The following GABRG3 variants were observed in gnomAD, a reference collection of about 807,000 sequenced individuals.
GABRG3 encodes the protein gamma-aminobutyric acid type A receptor subunit gamma3.
GABRG3 carries 25 observed loss-of-function variants against 48.8 expected under a neutral mutation model. The ratio of observed to expected loss-of-function variants is 0.51; its 90% CI spans 0.37 to 0.72. GABRG3 has a LOEUF of 0.72. Among genes scored for constraint, GABRG3 ranks in the 30% least tolerant of loss-of-function variants. GABRG3 has a pLI of 0.00. For missense variants in GABRG3, 394 were observed against 577.9 expected, an observed-to-expected ratio of 0.68 and a Z score of 3.26; for synonymous variants, 227 against 217.6, an observed-to-expected ratio of 1.04 and a Z score of -0.38.
intron 3 of GABRG3, among the ~76,000 whole-genome samples, chr15:27,260,417 G>A (rs942752255): frequency 6.6e-6 from 1 of 152,090 alleles, no homozygotes; most frequent in African/African-American, 2.4e-5. Flanking sequence ...GGACTTCAGC[G>A]TATGAATTTT....
intron 3 of GABRG3, among the ~76,000 whole-genome samples, chr15:27,116,103 G>A (rs1249634121): frequency 6.6e-6 from 1 of 152,218 alleles, no homozygotes; most frequent in East Asian, 1.9e-4. Flanking sequence ...CCTGCTGAAG[G>A]CAGGCCATGG....
intron 3 of GABRG3, among the ~76,000 whole-genome samples, chr15:27,055,465 G>C (rs201059628): frequency 6.6e-6 from 1 of 152,126 alleles, no homozygotes; most frequent in Admixed American, 6.5e-5. Context: ...AATCCAGAAG[G>C]CTCCAAAATC....
At chr15:27,363,615 G>A (rs10083606) in intron 5 of GABRG3, 49,907 of 151,602 alleles carry the variant, frequency 0.33, 9,496 homozygotes, top group African/African-American at 0.52. Flanking sequence ...TCCATAGCAC[G>A]CCTGCCACCA....
At chr15:27,481,910 G>A (rs2150845477) in intron 6 of GABRG3, among the ~76,000 whole-genome samples, 1 of 152,298 alleles carries the variant, frequency 6.6e-6, no homozygotes, top group East Asian at 1.9e-4. Flanking sequence ...AGGCTGCAAT[G>A]TACCAGCAGA....
intron 3 of GABRG3, among the ~76,000 whole-genome samples, chr15:27,218,144 G>A (rs1889327414): frequency 6.6e-6 from 1 of 151,964 alleles, no homozygotes; most frequent in Admixed American, 6.6e-5. Context: ...CAAGCAGCTG[G>A]GACTACCTAC....
intron 3 of GABRG3, among the ~76,000 whole-genome samples, chr15:27,143,358 G>A (rs988150582): frequency 1.3e-5 from 2 of 152,200 alleles, no homozygotes; most frequent in Admixed American, 6.5e-5. Flanking sequence ...GGGATAACAG[G>A]TGTGAGCTAC....
At chr15:27,471,782 T>C (rs1889794704) in intron 5 of GABRG3, among the ~76,000 whole-genome samples, 1 of 152,226 alleles carries the variant, frequency 6.6e-6, no homozygotes. Context: ...ACCACCTTCA[T>C]CATAAACTAA....
intron 3 of GABRG3, among the ~76,000 whole-genome samples, chr15:27,181,714 A>G (rs554102041): frequency 5.3e-5 from 8 of 152,332 alleles, no homozygotes; most frequent in African/African-American, 1.9e-4. Flanking sequence ...GCATGTAAGC[A>G]TTCCTGTGAG....
intron 3 of GABRG3, among the ~76,000 whole-genome samples, chr15:27,281,474 A>AT (rs200781979): frequency 0.015 from 2,147 of 143,402 alleles, 39 homozygotes; most frequent in East Asian, 0.062. Context: ...CCTGTGGTTA[A>AT]TTTTTTTTTT....
At chr15:27,353,464 G>A (rs1894711500) in intron 5 of GABRG3, among the ~76,000 whole-genome samples, 1 of 102,194 alleles carries the variant, frequency 9.8e-6, no homozygotes. Flanking sequence ...TTATTTTTGA[G>A]ATGGAGTTTC....
At chr15:27,329,686 A>C (rs1280456071) in intron 5 of GABRG3, among the ~76,000 whole-genome samples, 3 of 152,214 alleles carry the variant, frequency 2.0e-5, no homozygotes, top group African/African-American at 7.2e-5. Flanking sequence ...TTTTCGTAGT[A>C]TTTTATCTTC....
rs1054841377 is a variant in GABRG3, at chr15:27,527,999, A to G, written c.1122+7A>G. The G allele has an allele frequency of 1.9e-6, 3 of 1,587,200 alleles. No homozygotes were observed. Among genetic ancestry groups the G allele is most frequent in the African/African-American group, 2.7e-5 (2 of 74,554 alleles). On this transcript the variant is annotated splice_region_variant and intron_variant, in intron 9 of 9. Coordinates refer to ENST00000615808, the MANE Select transcript of GABRG3 (RefSeq NM_033223.5). ...AAGCCTACAAGCCCCTTCCGTACGT[A>G]TAGCATTGCAGGTGCCAATATTTCT...
intron 5 of GABRG3, among the ~76,000 whole-genome samples, chr15:27,408,750 A>G (rs1887711594): frequency 6.6e-6 from 1 of 152,182 alleles, no homozygotes; most frequent in South Asian, 2.1e-4. Flanking sequence ...TCCAGATGTC[A>G]CTAAGTCTGT....
intron 3 of GABRG3, among the ~76,000 whole-genome samples, chr15:27,113,800 C>T (rs909011497): frequency 6.6e-6 from 1 of 152,144 alleles, no homozygotes; most frequent in African/African-American, 2.4e-5. Flanking sequence ...TGTGATACTT[C>T]TATGGGGATA....
At chr15:27,098,009 A>G (rs1897294420) in intron 3 of GABRG3, among the ~76,000 whole-genome samples, 1 of 151,958 alleles carries the variant, frequency 6.6e-6, no homozygotes, top group South Asian at 2.1e-4. Flanking sequence ...AGAAACTGTA[A>G]CAACAAAGTC....
intron 3 of GABRG3, among the ~76,000 whole-genome samples, chr15:27,248,803 C>CACACACACAGAGAGAGAGAGAG (rs1377080195): frequency 9.1e-6 from 1 of 110,176 alleles, no homozygotes; most frequent in African/African-American, 3.9e-5. Context: ...CACACACACA[C>CACACACACAGAGAGAGAGAGAG]AGAGAGAGAG....
intron 3 of GABRG3, among the ~76,000 whole-genome samples, chr15:27,324,057 C>T (rs150716191): frequency 2.1e-3 from 313 of 152,306 alleles, no homozygotes; most frequent in African/African-American, 7.1e-3. Flanking sequence ...GCAGGGAAGC[C>T]GCGGTATTTG....
chr15:27,193,527 T>C (rs900820188), intron 3 of GABRG3, among the ~76,000 whole-genome samples: 1 of 152,000 alleles, frequency 6.6e-6, no homozygotes, highest in Non-Finnish European at 1.5e-5. Context: ...CCGAGCCAGG[T>C]GCAGGATATA....
chr15:27,085,505 T>C (rs1028338442), intron 3 of GABRG3, among the ~76,000 whole-genome samples: 1 of 152,246 alleles, frequency 6.6e-6, no homozygotes, highest in Non-Finnish European at 1.5e-5. Context: ...TATGCACTTA[T>C]ATTTGTATAG....
Sources: allele counts gnomAD v4.1 joint callset (sites outside exome capture counted in the v4.1 genomes callset), GRCh38; gene constraint gnomAD v4.1.1; transcripts MANE v1.5; gene names NCBI Gene and HGNC (gene_info 2026-07-23, HGNC 2026-07-21).